The following TENM2 variants were observed in gnomAD, a reference collection of about 807,000 sequenced individuals.
TENM2 encodes the protein teneurin-2.
Under a neutral mutation model 245.2 loss-of-function variants are expected in TENM2, and 52 were observed. That is an observed-to-expected ratio of 0.21 (90% CI 0.17 to 0.27). TENM2 has a LOEUF of 0.27. TENM2 is among the 10% of genes least tolerant of loss of function. The probability of loss-of-function intolerance (pLI) is 1.00; values close to 1 mark genes in which losing one functional copy is unlikely to be tolerated. For missense variants in TENM2, 3,046 were observed against 3,666.8 expected, an observed-to-expected ratio of 0.83 and a Z score of 4.37; for synonymous variants, 1,363 against 1,438.9, an observed-to-expected ratio of 0.95 and a Z score of 1.19.
intron 1 of TENM2, among the ~76,000 whole-genome samples, chr5:167,334,063 T>C (rs1757616039): frequency 6.6e-6 from 1 of 152,226 alleles, no homozygotes; most frequent in Non-Finnish European, 1.5e-5. Flanking sequence ...TATTGAATCT[T>C]TCCTGTGTGC....
At chr5:168,125,744 C>CA (rs1795803559) in intron 11 of TENM2, among the ~76,000 whole-genome samples, 2 of 148,446 alleles carry the variant, frequency 1.3e-5, no homozygotes, top group African/African-American at 5.0e-5. Context: ...TATTTCATTC[C>CA]AAAAAGAAAA....
chr5:166,997,400 A>C, the TENM2 span, among the ~76,000 whole-genome samples: 2 of 152,180 alleles, frequency 1.3e-5, no homozygotes, highest in Non-Finnish European at 2.9e-5. Context: ...TATGGAATAG[A>C]ATTTCCTTAT....
chr5:168,148,705 G>A (rs1756336814), intron 12 of TENM2, among the ~76,000 whole-genome samples: 2 of 152,050 alleles, frequency 1.3e-5, no homozygotes, highest in Non-Finnish European at 2.9e-5. Context: ...AAACTGGAAT[G>A]TTTTATTGCT....
chr5:167,160,835 G>T, the TENM2 span, among the ~76,000 whole-genome samples: 1 of 152,192 alleles, frequency 6.6e-6, no homozygotes, highest in Non-Finnish European at 1.5e-5. Flanking sequence ...ACAGAACCTA[G>T]AACACCAAGG....
At chr5:167,294,262 G>A (rs1172686000) in intron 1 of TENM2, 1 of 152,168 alleles carries the variant, frequency 6.6e-6, no homozygotes, top group Non-Finnish European at 1.5e-5. Flanking sequence ...TTTTGAATTG[G>A]AGGTATCCTG....
chr5:168,224,456 A>G (rs1233178126), intron 23 of TENM2, among the ~76,000 whole-genome samples: 1 of 152,210 alleles, frequency 6.6e-6, no homozygotes, highest in Non-Finnish European at 1.5e-5. Flanking sequence ...TCCCAGAAGC[A>G]AAGTTTCTCA....
At chr5:168,246,630 G>A in intron 26 of TENM2, 127 bp from the exon 29 acceptor site, 1 of 955,600 alleles carries the variant, frequency 1.0e-6, no homozygotes, top group Non-Finnish European at 1.6e-6. Context: ...TGTTTAATCT[G>A]GTCTAAGCTT....
chr5:167,811,456 C>T (rs1018546817), intron 2 of TENM2, among the ~76,000 whole-genome samples: 4 of 152,056 alleles, frequency 2.6e-5, no homozygotes, highest in Admixed American at 6.6e-5. Flanking sequence ...TAAGTAAAAG[C>T]TCCCTGAGGC....
the TENM2 span, among the ~76,000 whole-genome samples, chr5:166,994,859 A>G: frequency 8.5e-5 from 13 of 152,212 alleles, no homozygotes; most frequent in Admixed American, 5.2e-4. Flanking sequence ...CTTTCACTGT[A>G]TCTCATGTCA....
rs13359739 is a variant in TENM2, at chr5:167,645,451, T to C, written c.503-230535T>C. Among the ~76,000 whole-genome samples, 1,223 of 152,072 alleles carry C rather than the reference T, an allele frequency of 8.0e-3. 24 individuals are homozygous for C. Among genetic ancestry groups the C allele is most frequent in the African/African-American group, 0.028 (1,163 of 41,512 alleles). ...CATAGCAAGCAAAAATAAAATCCAG[T>C]TTGGAAATCCACCAGAAAATCCCCC... On this transcript the variant is annotated intron_variant, in intron 2 of 28. Transcript: ENST00000518659.
At chr5:167,175,272 CTGAGA>C in the TENM2 span, among the ~76,000 whole-genome samples, 4 of 152,258 alleles carry the variant, frequency 2.6e-5, no homozygotes, top group East Asian at 7.7e-4. Flanking sequence ...AAAATATGCC[CTGAGA>C]TATGTTAACA....
intron 2 of TENM2, among the ~76,000 whole-genome samples, chr5:167,674,112 A>T (rs1756147370): frequency 6.6e-6 from 1 of 152,176 alleles, no homozygotes. Context: ...TCTCTTTAAA[A>T]GAGGAATAAA....
At chr5:168,133,686 G>T (rs1238705424) in intron 12 of TENM2, among the ~76,000 whole-genome samples, 1 of 152,140 alleles carries the variant, frequency 6.6e-6, no homozygotes, top group Non-Finnish European at 1.5e-5. Flanking sequence ...TTTATATCTG[G>T]TTTACCTAGG....
At chr5:168,175,955 C>G (rs1326010442) in intron 13 of TENM2, among the ~76,000 whole-genome samples, 1 of 152,218 alleles carries the variant, frequency 6.6e-6, no homozygotes, top group Non-Finnish European at 1.5e-5. Flanking sequence ...AACTAGCACA[C>G]CGTCTGCCAG....
chr5:167,551,397 C>A (rs1475582557), intron 2 of TENM2, among the ~76,000 whole-genome samples: 1 of 152,120 alleles, frequency 6.6e-6, no homozygotes, highest in Non-Finnish European at 1.5e-5. Context: ...GCTATAGATT[C>A]TTTATCCATC....
At chr5:167,335,233 A>G (rs1561871307) in intron 1 of TENM2, among the ~76,000 whole-genome samples, 1 of 152,152 alleles carries the variant, frequency 6.6e-6, no homozygotes, top group Non-Finnish European at 1.5e-5. Flanking sequence ...AGAGAGGGGA[A>G]GAGAGGTGCC....
At chr5:167,565,710 G>A (rs1420832445) in intron 2 of TENM2, among the ~76,000 whole-genome samples, 1 of 152,152 alleles carries the variant, frequency 6.6e-6, no homozygotes, top group Non-Finnish European at 1.5e-5. Context: ...AGACAGCGGT[G>A]AAGTAATTTA....
chr5:168,072,321 G>A (rs2152128827), intron 7 of TENM2, among the ~76,000 whole-genome samples: 1 of 152,238 alleles, frequency 6.6e-6, no homozygotes, highest in Non-Finnish European at 1.5e-5. Context: ...TTGACCCCAA[G>A]GCTCTGTGAG....
At chr5:167,853,072 G>A (rs905234795) in intron 2 of TENM2, among the ~76,000 whole-genome samples, 1 of 151,508 alleles carries the variant, frequency 6.6e-6, no homozygotes, top group African/African-American at 2.4e-5. Flanking sequence ...GCATCAGGAG[G>A]ACAGGAGATC....
Sources: gnomAD v4.1 joint callset for allele counts (sites outside exome capture counted in the v4.1 genomes callset) on GRCh38, gnomAD v4.1.1 for gene constraint, MANE v1.5 for transcripts, NCBI Gene and HGNC (gene_info 2026-07-23, HGNC 2026-07-21) for gene names.